FRMPD3: variants seen among roughly 807,000 people sequenced by gnomAD.
FRMPD3 encodes the protein FERM and PDZ domain containing 3.
In FRMPD3, 42 loss-of-function variants were observed where a neutral mutation model predicts 97.9. That is an observed-to-expected ratio of 0.43 (90% CI 0.34 to 0.55). The LOEUF is 0.55. Among genes scored for constraint, FRMPD3 ranks in the 20% least tolerant of loss-of-function variants. The pLI, the probability that FRMPD3 is intolerant of heterozygous loss-of-function variation, is 0.03. For missense variants in FRMPD3, 1,303 were observed against 1,457.7 expected (o/e 0.89, Z 1.73); for synonymous variants, 577 against 581.1 (o/e 0.99, Z 0.10).
chrX:107,504,330 G>T (rs1921981229), intron 1 of FRMPD3, among the ~76,000 whole-genome samples: 1 of 112,675 alleles, frequency 8.9e-6, no homozygotes, highest in Admixed American at 9.3e-5. Flanking sequence ...GTGGTTCCCA[G>T]GTTCCTTTTC....
rs1310596503 is a variant in FRMPD3, at chrX:107,465,342, G to A, written c.-8+15337G>A. On this transcript the variant is annotated intron_variant, in intron 1 of 14. Coordinates refer to ENST00000683843, the MANE Select transcript of FRMPD3 (RefSeq NM_001388459.1). ...AAAAATTAACCAGGAATAGTAGTGC[G>A]TACCTGTAATCCCGGCTACTCAGGA... is the stretch of plus-strand genomic sequence containing the variant. 2.7e-5 allele frequency among the ~76,000 whole-genome samples: 3 copies of A among 110,634 alleles called. No homozygotes were observed. In the South Asian group the frequency reaches 1.2e-3, roughly 44 times the overall value.
intron 12 of FRMPD3, among the ~76,000 whole-genome samples, chrX:107,570,831 C>T (rs1922855403): frequency 9.0e-6 from 1 of 111,501 alleles, no homozygotes; most frequent in Admixed American, 9.5e-5. Context: ...TTTCAGAGTG[C>T]TAAGTGCCTG....
In FRMPD3 at chrX:107,576,463, G is replaced by A. The variant is rs750265902; in HGVS notation, c.1441+4G>A. ...CCACCTCCAATGATCAAGGCAGGTA[G>A]GGCTCAACCTCGGTTGGTTTTTGCT... On this transcript the variant is annotated splice_donor_region_variant and intron_variant, in intron 13 of 14. Transcript: ENST00000683843. The A allele has an allele frequency of 8.3e-7, 1 of 1,209,611 alleles. No individual in the cohort carries two copies. The highest frequency in any genetic ancestry group is 1.8e-5 in the South Asian group (1 of 56,645).
chrX:107,520,951 T>C (rs912416891), intron 1 of FRMPD3, among the ~76,000 whole-genome samples: 9 of 111,992 alleles, frequency 8.0e-5, no homozygotes, highest in Admixed American at 6.6e-4. Context: ...GCAGCTGATA[T>C]TATTGTTTTC....
Position 107,601,833 on chromosome X carries a change from C to G in FRMPD3, c.3794C>G (p.Thr1265Ser). 11 of 1,210,700 alleles carry G rather than the reference C, an allele frequency of 9.1e-6. No homozygotes were observed. The highest frequency in any genetic ancestry group is 1.2e-5 in the Non-Finnish European group (11 of 895,259). ...KPPSQGELPG[T>S]EYLQPPAPGR... ...CCAAGCCAGGGGGAGCTGCCAGGCA[C>G]CGAGTACCTGCAACCTCCAGCACCT... Residue 1265 changes from threonine to serine, a missense_variant, in exon 15 of 15, where the codon ACC becomes AGC. By Grantham distance (58) the Thr-to-Ser change is moderately conservative. This residue lies in a region of FRMPD3 where 764 missense variants were observed against 820.2 expected (regional missense o/e 0.93). Coordinates refer to ENST00000683843, the MANE Select transcript of FRMPD3 (RefSeq NM_001388459.1).
chrX:107,487,763 G>A (rs922878343), intron 1 of FRMPD3, among the ~76,000 whole-genome samples: 8 of 112,050 alleles, frequency 7.1e-5, no homozygotes, highest in African/African-American at 2.6e-4. Context: ...TGATTCTAAT[G>A]TGTAGCCAGA....
intron 1 of FRMPD3, among the ~76,000 whole-genome samples, chrX:107,512,661 C>T (rs1456974319): frequency 1.8e-5 from 2 of 111,618 alleles, no homozygotes; most frequent in African/African-American, 6.5e-5. Context: ...ATATCTCTGC[C>T]TCTTTCAGAA....
intron 8 of FRMPD3, among the ~76,000 whole-genome samples, chrX:107,558,223 CTT>C (rs1476595876): frequency 3.6e-5 from 4 of 110,724 alleles, no homozygotes; most frequent in Non-Finnish European, 7.6e-5. Flanking sequence ...GTATATAGGT[CTT>C]TCATATGTTT....
At chrX:107,562,616 G>A (rs1437376141) in intron 10 of FRMPD3, among the ~76,000 whole-genome samples, 1 of 109,035 alleles carries the variant, frequency 9.2e-6, no homozygotes, top group Non-Finnish European at 1.9e-5. Flanking sequence ...AGGCGATTAA[G>A]GAGGAGTCCA....
intron 1 of FRMPD3, among the ~76,000 whole-genome samples, chrX:107,521,631 G>T (rs1341867574): frequency 8.9e-6 from 1 of 112,238 alleles, no homozygotes; most frequent in Non-Finnish European, 1.9e-5. Flanking sequence ...TGCCACCAGG[G>T]GAATGTTGCA....
Position 107,552,890 on chromosome X carries a change from G to A in FRMPD3, c.606G>A (p.Lys202=). The change falls in exon 7 of 15, where the codon AAG becomes AAA. Residue 202 remains lysine (K), a synonymous_variant. Coordinates refer to ENST00000683843, the MANE Select transcript of FRMPD3 (RefSeq NM_001388459.1). ...ATGCCGGGCCAGAACAGAATCACAAGTTTCTGCTTCTTCAGGACAAGCAAC... is the reference window on the plus strand; with the variant it reads ...ATGCCGGGCCAGAACAGAATCACAAATTTCTGCTTCTTCAGGACAAGCAAC... ...LEYAGPEQNH[K]FLLLQDKQPL... is the part of the protein sequence containing the mutation. 8.3e-7 allele frequency: 1 copy of A among 1,209,464 alleles called. No individual in the cohort carries two copies. Among genetic ancestry groups the A allele is most frequent in the Non-Finnish European group, 1.1e-6 (1 of 894,799 alleles).
intron 1 of FRMPD3, among the ~76,000 whole-genome samples, chrX:107,497,289 A>C (rs1028671449): frequency 8.8e-6 from 1 of 113,293 alleles, no homozygotes; most frequent in Non-Finnish European, 1.9e-5. Flanking sequence ...TGCCACAAAG[A>C]GGCTGCTTCT....
At chrX:107,488,659 T>C in intron 1 of FRMPD3, among the ~76,000 whole-genome samples, 1 of 111,722 alleles carries the variant, frequency 9.0e-6, no homozygotes, top group East Asian at 2.8e-4. Flanking sequence ...GCCACTGGGC[T>C]AGGTGTTTTG....
intron 1 of FRMPD3, among the ~76,000 whole-genome samples, chrX:107,506,891 G>A (rs889049247): frequency 1.7e-4 from 19 of 111,966 alleles, no homozygotes; most frequent in African/African-American, 5.5e-4. Flanking sequence ...TACAGACACC[G>A]CTGCTGCTAC....
chrX:107,452,845 A>G (rs1245191193), intron 1 of FRMPD3, among the ~76,000 whole-genome samples: 1 of 107,217 alleles, frequency 9.3e-6, no homozygotes, highest in Non-Finnish European at 1.9e-5. Context: ...TAGATTGAAA[A>G]AGTGCAACAA....
At chrX:107,522,067 A>G (rs1345504552) in intron 1 of FRMPD3, among the ~76,000 whole-genome samples, 3 of 111,624 alleles carry the variant, frequency 2.7e-5, no homozygotes, top group Non-Finnish European at 5.7e-5. Flanking sequence ...CAGGGCATCT[A>G]GAGGGAGCCA....
chrX:107,506,939 GC>G (rs1352494063), intron 1 of FRMPD3, among the ~76,000 whole-genome samples: 5 of 111,726 alleles, frequency 4.5e-5, no homozygotes, highest in African/African-American at 1.6e-4. Context: ...CAGGGGCAGC[GC>G]GAGAGGGAGG....
chrX:107,504,577 T>C (rs1424997863), intron 1 of FRMPD3, among the ~76,000 whole-genome samples: 2 of 112,306 alleles, frequency 1.8e-5, no homozygotes, highest in African/African-American at 6.5e-5. Context: ...AGCATAGTAC[T>C]GTAATTTAGA....
chrX:107,536,240 C>T (rs1923233864), intron 4 of FRMPD3, among the ~76,000 whole-genome samples: 2 of 110,574 alleles, frequency 1.8e-5, no homozygotes, highest in Non-Finnish European at 3.8e-5. Flanking sequence ...CCTGTAGTCC[C>T]AGCTACTTGA....
Sources: allele counts gnomAD v4.1 joint callset (sites outside exome capture counted in the v4.1 genomes callset), GRCh38; gene constraint gnomAD v4.1.1; regional missense constraint gnomAD v4.1.1; transcripts MANE v1.5; gene names NCBI Gene and HGNC (gene_info 2026-07-23, HGNC 2026-07-21).